The following SPAG16 variants were observed in gnomAD, a reference collection of about 807,000 sequenced individuals.
SPAG16 encodes sperm associated antigen 16.
A neutral mutation model predicts 80.4 loss-of-function variants in SPAG16; 86 were observed. The observed-to-expected ratio is 1.07, with a 90% CI of 0.90 to 1.28. The LOEUF is 1.28. SPAG16 is among the 50% of genes most tolerant of loss of function. SPAG16 has a pLI of 0.00. For missense variants in SPAG16, 870 were observed against 765.3 expected (o/e 1.14, Z -1.61); for synonymous variants, 294 against 265.9 (o/e 1.11, Z -1.03).
chr2:213,618,329 C>G lies in SPAG16; in HGVS notation c.1070+128239C>G, dbSNP rs182611779. Among the ~76,000 whole-genome samples the G allele has an allele frequency of 3.3e-5, 5 of 152,306 alleles. No homozygotes were observed. In the East Asian group the frequency reaches 9.7e-4, roughly 29 times the overall value. Reference sequence around the variant, plus strand: ...CCTGCCTTCTACTCTATCCTCACTGCCTGATCACTCCCTAGTCTATTATGA... The same window carrying G: ...CCTGCCTTCTACTCTATCCTCACTGGCTGATCACTCCCTAGTCTATTATGA... On this transcript the variant is annotated intron_variant, in intron 10 of 15. Coordinates refer to ENST00000331683, the MANE Select transcript of SPAG16 (RefSeq NM_024532.5).
chr2:213,518,095 A>C (rs1299438064), intron 10 of SPAG16, among the ~76,000 whole-genome samples: 1 of 152,240 alleles, frequency 6.6e-6, no homozygotes, highest in African/African-American at 2.4e-5. Flanking sequence ...TAAGAAACTT[A>C]ACAAGCAAAA....
In SPAG16 at chr2:214,132,546, A is replaced by T. The variant is rs1188058860; in HGVS notation, c.1594-16594A>T. 2.6e-5 allele frequency among the ~76,000 whole-genome samples: 4 copies of T among 152,228 alleles called. No homozygotes were observed. In the East Asian group the frequency reaches 7.7e-4, roughly 29 times the overall value. ...TTTGTAACATGAATTTATGGAAGCA[A>T]CAGAAGGAATACATTGTGTCACTTA... On this transcript the variant is annotated intron_variant, in intron 14 of 15. Transcript: ENST00000331683.
intron 15 of SPAG16, among the ~76,000 whole-genome samples, chr2:214,185,769 A>G (rs912222327): frequency 2.6e-5 from 4 of 152,108 alleles, no homozygotes; most frequent in Non-Finnish European, 5.9e-5. Context: ...GAACAGATGT[A>G]TGGTCATGTG....
At chr2:213,945,390 C>T (rs986921673) in intron 12 of SPAG16, among the ~76,000 whole-genome samples, 5 of 151,256 alleles carry the variant, frequency 3.3e-5, no homozygotes, top group African/African-American at 9.7e-5. Context: ...CACAAGGTCC[C>T]ACAACAGACT....
At chr2:213,749,919 T>C (rs1329831748) in intron 10 of SPAG16, among the ~76,000 whole-genome samples, 1 of 152,180 alleles carries the variant, frequency 6.6e-6, no homozygotes, top group Non-Finnish European at 1.5e-5. Context: ...TGTAGCAGAA[T>C]CCATGACTTA....
At chr2:214,401,542 C>T (rs1349622363) in intron 15 of SPAG16, among the ~76,000 whole-genome samples, 2 of 151,668 alleles carry the variant, frequency 1.3e-5, no homozygotes, top group Admixed American at 1.3e-4. Flanking sequence ...TTTGGAGAAA[C>T]CTATTGCTCA....
chr2:213,744,860 C>T (rs1386127446), intron 10 of SPAG16, among the ~76,000 whole-genome samples: 1 of 152,238 alleles, frequency 6.6e-6, no homozygotes, highest in African/African-American at 2.4e-5. Context: ...ATTAACATTT[C>T]TGGTGACTCA....
intron 13 of SPAG16, among the ~76,000 whole-genome samples, chr2:214,050,145 A>T (rs1209690254): frequency 6.6e-6 from 1 of 152,062 alleles, no homozygotes; most frequent in Non-Finnish European, 1.5e-5. Flanking sequence ...AAGTGAAGCC[A>T]TATGGAAAAA....
intron 10 of SPAG16, among the ~76,000 whole-genome samples, chr2:213,812,231 C>T (rs1209447936): frequency 1.3e-5 from 2 of 152,096 alleles, no homozygotes; most frequent in Non-Finnish European, 2.9e-5. Flanking sequence ...AAGAGAAGGA[C>T]CAGGATACTG....
At chr2:213,629,877 C>T (rs1025329752) in intron 10 of SPAG16, among the ~76,000 whole-genome samples, 1 of 152,200 alleles carries the variant, frequency 6.6e-6, no homozygotes, top group East Asian at 1.9e-4. Context: ...CTGGCTCTCA[C>T]TCTCAGTGCA....
intron 9 of SPAG16, among the ~76,000 whole-genome samples, chr2:213,478,434 A>G (rs1213483588): frequency 6.6e-6 from 1 of 152,216 alleles, no homozygotes; most frequent in Non-Finnish European, 1.5e-5. Flanking sequence ...AGGGATTTGT[A>G]AATTCTGTAA....
At chr2:214,352,281 A>G (rs1333258942) in intron 15 of SPAG16, among the ~76,000 whole-genome samples, 1 of 152,202 alleles carries the variant, frequency 6.6e-6, no homozygotes, top group Non-Finnish European at 1.5e-5. Flanking sequence ...AGATATTCTA[A>G]TCATGTCCTC....
chr2:213,631,664 G>A (rs1472584486), intron 10 of SPAG16, among the ~76,000 whole-genome samples: 1 of 152,110 alleles, frequency 6.6e-6, no homozygotes, highest in African/African-American at 2.4e-5. Context: ...TTTTGTATAT[G>A]GTGAAAGATA....
At position 213,980,568 on chromosome 2, in the gene SPAG16, T is replaced by G. The variant is rs188902791; in HGVS notation, c.1401-33383T>G. On this transcript the variant is annotated intron_variant, in intron 12 of 15. Coordinates refer to ENST00000331683, the MANE Select transcript of SPAG16 (RefSeq NM_024532.5). ...TATATATAGAATATATGTGTATATA[T>G]AGAGAGTATATGTATATATAGAATA... is the stretch of plus-strand genomic sequence containing the variant. Among the ~76,000 whole-genome samples, 115 of 142,106 alleles carry G rather than the reference T, an allele frequency of 8.1e-4. 2 individuals are homozygous for G. In the South Asian group the frequency reaches 0.023, roughly 28 times the overall value. The allele number at this position is 142,106 out of a possible 152,430, so 93.2% of individuals were successfully genotyped here. A position where few individuals can be genotyped will look rare whatever the true frequency, so the allele number is the denominator to read the frequency against.
chr2:213,494,986 A>G (rs985677102), intron 10 of SPAG16, among the ~76,000 whole-genome samples: 5 of 152,202 alleles, frequency 3.3e-5, no homozygotes, highest in Non-Finnish European at 7.3e-5. Context: ...CTCCTCAGAG[A>G]GGCAGTGCCT....
intron 9 of SPAG16, among the ~76,000 whole-genome samples, chr2:213,457,495 G>A (rs62192331): frequency 6.5e-4 from 99 of 152,236 alleles, no homozygotes; most frequent in Non-Finnish European, 8.4e-4. Flanking sequence ...TCTTTTAAAC[G>A]TTTGAGGTTT....
At chr2:213,922,842 G>T (rs562741779) in intron 11 of SPAG16, among the ~76,000 whole-genome samples, 11 of 152,250 alleles carry the variant, frequency 7.2e-5, no homozygotes, top group Non-Finnish European at 1.3e-4. Context: ...CATTTCTTCT[G>T]TTGGGCTTTC....
At chr2:213,647,621 C>T (rs941058901) in intron 10 of SPAG16, among the ~76,000 whole-genome samples, 10 of 151,866 alleles carry the variant, frequency 6.6e-5, no homozygotes, top group Non-Finnish European at 1.5e-4. Flanking sequence ...TTTGTAGTCT[C>T]CCAGCCTCAG....
chr2:213,438,448 T>G (rs1044951141), intron 9 of SPAG16, among the ~76,000 whole-genome samples: 2 of 152,258 alleles, frequency 1.3e-5, no homozygotes, highest in Non-Finnish European at 2.9e-5. Flanking sequence ...ATAACAAGTT[T>G]TATTTGAACA....
Sources: gnomAD v4.1 joint callset for allele counts (sites outside exome capture counted in the v4.1 genomes callset) on GRCh38, gnomAD v4.1.1 for gene constraint, MANE v1.5 for transcripts, NCBI Gene and HGNC (gene_info 2026-07-23, HGNC 2026-07-21) for gene names.